The following AGFG2 variants were observed in gnomAD, a reference collection of about 807,000 sequenced individuals.
AGFG2 encodes the protein ArfGAP with FG repeats 2.
A neutral mutation model predicts 48.0 loss-of-function variants in AGFG2; 31 were observed. The ratio of observed to expected loss-of-function variants is 0.65; its 90% CI spans 0.49 to 0.87. AGFG2 has a LOEUF of 0.87. Among genes scored for constraint, AGFG2 ranks in the 40% least tolerant of loss-of-function variants. The probability of loss-of-function intolerance (pLI) is 0.00; values close to 1 mark genes in which losing one functional copy is unlikely to be tolerated. For synonymous variants in AGFG2, 229 were observed against 260.8 expected (o/e 0.88, Z 1.18); for missense variants, 599 against 632.6 (o/e 0.95, Z 0.57).
intron 10 of AGFG2, 92 bp from the exon 11 acceptor site, chr7:100,564,126 C>G: frequency 6.5e-7 from 1 of 1,531,744 alleles, no homozygotes; most frequent in Non-Finnish European, 8.9e-7. Context: ...CTGCTCTGTT[C>G]CCTTACTCCC....
At chr7:100,549,086 C>CT (rs1584382718) in intron 2 of AGFG2, among the ~76,000 whole-genome samples, 171 bp downstream of exon 2, 1 of 152,262 alleles carries the variant, frequency 6.6e-6, no homozygotes, top group East Asian at 1.9e-4. Flanking sequence ...TTCTGTTATA[C>CT]AAATCATGGT....
In AGFG2 at chr7:100,555,263, G is replaced by GTTT. The variant is rs1166680394; in HGVS notation, c.752-321_752-319dup. Among the ~76,000 whole-genome samples the GTTT allele has an allele frequency of 1.2e-3, 92 of 75,174 alleles. 16 individuals carry two copies. The highest frequency in any genetic ancestry group is 3.7e-3 in the African/African-American group (61 of 16,464). 49.3% of individuals were successfully genotyped at this position (75,174 alleles called of 152,430 possible). ...TTTCTTTTTCTGTTGTGTGTGTGTG[G>GTTT]TTTTTTTTTTTTTTTTTTTTTTTTT... is the stretch of plus-strand genomic sequence containing the variant. On this transcript the variant is annotated intron_variant, in intron 5 of 11. Transcript: ENST00000300176.
At chr7:100,542,076 C>T (rs1478203864) in intron 1 of AGFG2, among the ~76,000 whole-genome samples, 1 of 151,964 alleles carries the variant, frequency 6.6e-6, no homozygotes, top group Non-Finnish European at 1.5e-5. Context: ...AGTGCAATGG[C>T]GCGATCTCGG....
intron 11 of AGFG2, 61 bp from the exon 12 acceptor site, chr7:100,564,871 T>G: frequency 1.9e-6 from 3 of 1,584,726 alleles, no homozygotes; most frequent in Non-Finnish European, 2.6e-6. Context: ...CCTGGCTGCC[T>G]TTCTTCTAAG....
At chr7:100,539,627 G>C in intron 1 of AGFG2, 60 bp downstream of exon 1, 1 of 1,021,768 alleles carries the variant, frequency 9.8e-7, no homozygotes, top group Non-Finnish European at 1.2e-6. Flanking sequence ...GCGGGGTGGG[G>C]AGGCCGGGGC....
intron 4 of AGFG2, among the ~76,000 whole-genome samples, chr7:100,553,754 A>G (rs1157333069): frequency 6.6e-6 from 1 of 152,250 alleles, no homozygotes; most frequent in Non-Finnish European, 1.5e-5. Context: ...CATCAAAGAA[A>G]CACAGAAGGG....
chr7:100,565,093 A>G lies in AGFG2; in HGVS notation c.*102A>G. 3 of 1,329,448 alleles carry G rather than the reference A, an allele frequency of 2.3e-6. No homozygotes were observed. The highest frequency in any genetic ancestry group is 3.2e-6 in the Non-Finnish European group (3 of 923,510). The allele number at this position is 1,329,448 out of a possible 1,614,324, so 82.4% of individuals were successfully genotyped here. A position where few individuals can be genotyped will look rare whatever the true frequency, so the allele number is the denominator to read the frequency against. ...GTGGGCATTTCTATGGGCCTTGGGG[A>G]TGGTGGAGGTGCTAATGCTTTGCTT... On this transcript the variant is annotated 3_prime_UTR_variant, in exon 12 of 12. Transcript: ENST00000300176.
intron 3 of AGFG2, among the ~76,000 whole-genome samples, 197 bp from the exon 4 acceptor site, chr7:100,553,150 C>G (rs1800682409): frequency 6.6e-6 from 1 of 151,906 alleles, no homozygotes; most frequent in African/African-American, 2.4e-5. Flanking sequence ...GACCCTGTCT[C>G]AAAAAAACCA....
At chr7:100,563,722 A>G (rs759682446) in intron 9 of AGFG2, 112 bp from the exon 10 acceptor site, 3 of 1,498,118 alleles carry the variant, frequency 2.0e-6, no homozygotes, top group South Asian at 1.2e-5. Flanking sequence ...CTCGTTCCTC[A>G]TGTCAGGAAA....
In AGFG2 at chr7:100,547,406, AT is replaced by A. The variant is rs35296477; in HGVS notation, c.222-1404del. Among the ~76,000 whole-genome samples, 1,077 of 143,714 alleles carry A rather than the reference AT, an allele frequency of 7.5e-3. 18 individuals carry two copies. The highest frequency in any genetic ancestry group is 0.025 in the African/African-American group (970 of 39,352). The allele number at this position is 143,714 out of a possible 152,430, so 94.3% of individuals were successfully genotyped here. A position where few individuals can be genotyped will look rare whatever the true frequency, so the allele number is the denominator to read the frequency against. ...TTTATTTGAGCAACTCGATTTGGCC[AT>A]TTTTTTTTTTTCCATGAGAGTAAAA... On this transcript the variant is annotated intron_variant, in intron 1 of 11. Coordinates refer to ENST00000300176, the MANE Select transcript of AGFG2 (RefSeq NM_006076.5).
chr7:100,551,210 C>T (rs1382450422), intron 3 of AGFG2, among the ~76,000 whole-genome samples: 2 of 149,890 alleles, frequency 1.3e-5, no homozygotes, highest in Non-Finnish European at 3.0e-5. Flanking sequence ...GGTGGGACTA[C>T]AGGCGCCCGC....
intron 6 of AGFG2, among the ~76,000 whole-genome samples, chr7:100,560,094 G>A (rs1800833873): frequency 6.6e-6 from 1 of 152,088 alleles, no homozygotes; most frequent in African/African-American, 2.4e-5. Context: ...TGCTTGCGTG[G>A]AAATTCCACA....
intron 1 of AGFG2, among the ~76,000 whole-genome samples, chr7:100,544,664 A>G (rs1233118199): frequency 6.8e-6 from 1 of 148,144 alleles, no homozygotes; most frequent in Non-Finnish European, 1.5e-5. Context: ...TAAGGGGTGC[A>G]TGAACCACTT....
At position 100,565,080 on chromosome 7, in the gene AGFG2, A is replaced by G. The variant is rs1311568315; in HGVS notation, c.*89A>G. 3.5e-6 allele frequency: 5 copies of G among 1,431,322 alleles called. No homozygotes were observed. Among genetic ancestry groups the G allele is most frequent in the Non-Finnish European group, 4.9e-6 (5 of 1,014,488 alleles). 88.7% of individuals were successfully genotyped at this position (1,431,322 alleles called of 1,614,324 possible). On this transcript the variant is annotated 3_prime_UTR_variant, in exon 12 of 12. Transcript: ENST00000300176. ...TGACCACTTGCCTGTGGGCATTTCT[A>G]TGGGCCTTGGGGATGGTGGAGGTGC...
intron 1 of AGFG2, among the ~76,000 whole-genome samples, chr7:100,547,034 T>G (rs1175094373): frequency 6.6e-6 from 1 of 152,190 alleles, no homozygotes; most frequent in Non-Finnish European, 1.5e-5. Context: ...AGCAGCAGAA[T>G]TGCTGCAAAC....
chr7:100,563,679 T>A (rs753951129), intron 9 of AGFG2, among the ~76,000 whole-genome samples, 155 bp from the exon 10 acceptor site: 3 of 152,092 alleles, frequency 2.0e-5, no homozygotes, highest in Non-Finnish European at 4.4e-5. Flanking sequence ...TGTTTGGTGG[T>A]GTGAGAAGCA....
At chr7:100,555,002 C>T (rs904565666) in intron 5 of AGFG2, among the ~76,000 whole-genome samples, 8 of 149,906 alleles carry the variant, frequency 5.3e-5, no homozygotes, top group Non-Finnish European at 1.0e-4. Flanking sequence ...TTTCATGCTC[C>T]AAACTAGGCC....
intron 6 of AGFG2, among the ~76,000 whole-genome samples, chr7:100,556,847 A>G (rs187300659): frequency 1.9e-3 from 290 of 152,302 alleles, no homozygotes; most frequent in Non-Finnish European, 3.3e-3. Flanking sequence ...TGAGCTGATT[A>G]GCTGCTTTTG....
rs758094049 is a variant in AGFG2, at chr7:100,555,771, A to G, written c.877+36A>G. 4.3e-6 allele frequency: 7 copies of G among 1,609,688 alleles called. No homozygotes were observed. The East Asian group carries it at 8.9e-5, about 21-fold the overall frequency. The stretch of plus-strand genomic sequence containing the variant: ...CCCCACTGGCTTCCTTTCTCTTCCA[A>G]CCGTGTCCATTTGTTCATGTCTATA... On this transcript the variant is annotated intron_variant, in intron 6 of 11. Transcript: ENST00000300176.
Sources: allele counts gnomAD v4.1 joint callset (sites outside exome capture counted in the v4.1 genomes callset), GRCh38; gene constraint gnomAD v4.1.1; transcripts MANE v1.5; gene names NCBI Gene and HGNC (gene_info 2026-07-23, HGNC 2026-07-21).